The following NDUFAF3 variants were observed in gnomAD, a reference collection of about 807,000 sequenced individuals.
NDUFAF3 encodes NADH:ubiquinone oxidoreductase complex assembly factor 3.
A neutral mutation model predicts 22.6 loss-of-function variants in NDUFAF3; 21 were observed. The observed-to-expected ratio is 0.93, with a 90% CI of 0.66 to 1.34. The LOEUF (loss-of-function observed/expected upper bound fraction) is 1.34, where lower values mean the gene tolerates loss of function less well. Ranked by LOEUF, NDUFAF3 falls within the 40% of genes most tolerant of loss-of-function variation. The pLI is 0.00. For synonymous variants in NDUFAF3, 113 were observed against 104.9 expected (o/e 1.08, Z -0.47); for missense variants, 251 against 248.4 (o/e 1.01, Z -0.07).
upstream of NDUFAF3, chr3:49,021,191 C>T (rs1278028730): frequency 6.6e-6 from 1 of 152,666 alleles, no homozygotes; most frequent in Non-Finnish European, 1.5e-5. The surrounding 1 kb of genome is among the most constrained non-coding windows in gnomAD (Gnocchi z 4.1). Context: ...GACCCACCAC[C>T]AGGCTCCCAC....
upstream of NDUFAF3, chr3:49,020,590 G>T (rs764070771): frequency 2.1e-6 from 1 of 476,508 alleles, no homozygotes; most frequent in South Asian, 1.5e-5. Flanking sequence ...GGGGTCAGGG[G>T]CACCCCATCT....
upstream of NDUFAF3, chr3:49,021,762 C>T (rs1348370666): frequency 9.7e-6 from 3 of 309,070 alleles, no homozygotes; most frequent in South Asian, 1.1e-4. This position sits in a 1 kb window ranked among gnomAD's most constrained non-coding sequence, Gnocchi z 4.1. Context: ...CACCGCCTGG[C>T]CAGGTGTTCG....
At position 49,022,746 on chromosome 3, in the gene NDUFAF3, C is replaced by T. The variant is rs1405401961; in HGVS notation, c.315C>T (p.Phe105=). 1 of 1,614,082 alleles carries T rather than the reference C, an allele frequency of 6.2e-7. No individual in the cohort carries two copies. The highest frequency in any genetic ancestry group is 1.1e-5 in the South Asian group (1 of 91,086). Residue 105 remains phenylalanine (F), a synonymous_variant, in exon 3 of 5, where the codon TTC becomes TTT. Coordinates refer to ENST00000326925, the MANE Select transcript of NDUFAF3 (RefSeq NM_199069.2). This position sits in a 1 kb window ranked among gnomAD's most constrained non-coding sequence, Gnocchi z 6.6. ...TCACCGAAGACAGCTTTTCCCTCTT[C>T]TGGTTGCTGGAGCCCCGGATAGGTA... ...QDITEDSFSL[F]WLLEPRIEIV...
chr3:49,020,798 C>T (rs547121872), upstream of NDUFAF3: 114 of 395,538 alleles, frequency 2.9e-4, no homozygotes, highest in African/African-American at 1.9e-3. Flanking sequence ...AGGAGGAAGA[C>T]CCGGGAGTAG....
rs778468386 is a variant in NDUFAF3, at chr3:49,022,370, C to G, written c.102C>G (p.Leu34=). ...LPWAPRRGHR[L]SPADDELYQR... ...GGGCCCCGCGGCGAGGGCATCGGCT[C>G]TCGCCGGCGGATGACGAGCTGTATC... is the stretch of plus-strand genomic sequence containing the variant. The change falls in exon 2 of 5, where the codon CTC becomes CTG. Residue 34 remains leucine (L), a synonymous_variant. Coordinates refer to ENST00000326925, the MANE Select transcript of NDUFAF3 (RefSeq NM_199069.2). The surrounding 1 kb of genome is among the most constrained non-coding windows in gnomAD (Gnocchi z 6.6). 1.6e-5 allele frequency: 26 copies of G among 1,612,548 alleles called. No homozygotes were observed. Among genetic ancestry groups the G allele is most frequent in the Non-Finnish European group, 2.2e-5 (26 of 1,180,008 alleles).
At chr3:49,021,816 T>G (rs2093160234), upstream of NDUFAF3, 1 of 413,434 alleles carries the variant, frequency 2.4e-6, no homozygotes, top group Admixed American at 4.4e-5. The surrounding 1 kb of genome is among the most constrained non-coding windows in gnomAD (Gnocchi z 4.1). Flanking sequence ...GGAGCGCGGC[T>G]TAATAGCTGA....
rs1367046765 is a variant in NDUFAF3, at chr3:49,022,949, G to C, written c.411G>C (p.Arg137=). 2 of 1,613,988 alleles carry C rather than the reference G, an allele frequency of 1.2e-6. No individual in the cohort carries two copies. Among genetic ancestry groups the C allele is most frequent in the African/African-American group, 2.7e-5 (2 of 74,920 alleles). ...AGGTGCTTCAAGCCATGAGGCAGCG[G>C]GGCATTGCTGTGGAAGTGCAGGACA... ...QSQVLQAMRQ[R]GIAVEVQDTP... is the part of the protein sequence containing the mutation. Residue 137 remains arginine (R), a synonymous_variant, in exon 4 of 5, where the codon CGG becomes CGC. Coordinates refer to ENST00000326925, the MANE Select transcript of NDUFAF3 (RefSeq NM_199069.2). The surrounding 1 kb of genome is among the most constrained non-coding windows in gnomAD (Gnocchi z 6.6).
At position 49,023,181 on chromosome 3, in the gene NDUFAF3, G is replaced by A. The variant is rs748958936; in HGVS notation, c.*9G>A. Reference sequence around the variant, plus strand: ...GCCAAGCTGCTCAATGAACCGCCAGGAACTGACCTGCTGACTGCACTCTGC... The same window carrying A: ...GCCAAGCTGCTCAATGAACCGCCAGAAACTGACCTGCTGACTGCACTCTGC... On this transcript the variant is annotated 3_prime_UTR_variant, in exon 5 of 5. Transcript: ENST00000326925. The A allele has an allele frequency of 1.9e-6, 3 of 1,599,112 alleles. No individual in the cohort carries two copies. The highest frequency in any genetic ancestry group is 1.8e-4 in the Middle Eastern group (1 of 5,712).
In NDUFAF3 at chr3:49,022,594, T is replaced by C. The variant is rs1008532915; in HGVS notation, c.270+56T>C. 2 of 1,613,212 alleles carry C rather than the reference T, an allele frequency of 1.2e-6. No individual in the cohort carries two copies. The highest frequency in any genetic ancestry group is 2.7e-5 in the African/African-American group (2 of 74,922). ...GGCCCAGAGTCACAGGCCCTCACCC[T>C]GCTTGGTCCCTGCAAACTTGGCTTT... is the stretch of plus-strand genomic sequence containing the variant. On this transcript the variant is annotated intron_variant, in intron 2 of 4. Transcript: ENST00000326925. This position sits in a 1 kb window ranked among gnomAD's most constrained non-coding sequence, Gnocchi z 6.6.
rs747219441 is a variant in NDUFAF3 at position 49,022,488 on chromosome 3, C to G, written c.220C>G (p.Arg74Gly). ...CCGCGGCTTCATGATAAACGGAAAC[C>G]GCGTGCTCGGCCCCTGCGCTCTGCT... ...NSRGFMINGNRVLGPCALLPH... is the reference protein window; with the variant it reads ...NSRGFMINGNGVLGPCALLPH... The change falls in exon 2 of 5, where the codon CGC becomes GGC. Residue 74 changes from arginine (R) to glycine (G), a missense_variant. Arg to Gly is a moderately radical substitution (Grantham distance 125). Transcript: ENST00000326925. This position sits in a 1 kb window ranked among gnomAD's most constrained non-coding sequence, Gnocchi z 6.6. 6.8e-6 allele frequency: 11 copies of G among 1,613,122 alleles called. No homozygotes were observed. The highest frequency in any genetic ancestry group is 1.7e-5 in the Admixed American group (1 of 60,020).
chr3:49,020,458 C>T, upstream of NDUFAF3: 1 of 382,706 alleles, frequency 2.6e-6, no homozygotes, highest in Non-Finnish European at 5.4e-6. Context: ...CCTCGCCAAT[C>T]CTCCCCAGGG....
chr3:49,020,861 A>C (rs1350199827), upstream of NDUFAF3: 3 of 305,812 alleles, frequency 9.8e-6, no homozygotes, highest in Non-Finnish European at 2.1e-5. Flanking sequence ...CCACAGAACA[A>C]TAGAAGGGGA....
At chr3:49,020,589 G>A (rs1192757710), upstream of NDUFAF3, 1 of 475,312 alleles carries the variant, frequency 2.1e-6, no homozygotes, top group Non-Finnish European at 4.4e-6. Context: ...GGGGGTCAGG[G>A]GCACCCCATC....
upstream of NDUFAF3, chr3:49,020,830 G>A (rs1382770310): frequency 8.5e-6 from 3 of 351,824 alleles, no homozygotes; most frequent in African/African-American, 6.4e-5. Flanking sequence ...GAGTCTAGAG[G>A]GAACAAGACG....
chr3:49,020,864 G>C (rs896544494), upstream of NDUFAF3: 4 of 303,510 alleles, frequency 1.3e-5, no homozygotes, highest in Non-Finnish European at 2.8e-5. Context: ...CAGAACAATA[G>C]AAGGGGAGGT....
At chr3:49,021,349 AGACGGGG>A (rs1169621800), upstream of NDUFAF3, 1 of 152,416 alleles carries the variant, frequency 6.6e-6, no homozygotes, top group Non-Finnish European at 1.5e-5. The surrounding 1 kb of genome is among the most constrained non-coding windows in gnomAD (Gnocchi z 4.1). Flanking sequence ...ACTTGGATCA[AGACGGGG>A]GACGGGGGAC....
Position 49,022,519 on chromosome 3 carries a change from A to C in NDUFAF3, c.251A>C (p.His84Pro). The C allele has an allele frequency of 6.2e-7, 1 of 1,611,866 alleles. No individual in the cohort carries two copies. The highest frequency in any genetic ancestry group is 1.1e-5 in the South Asian group (1 of 90,920). ...RVLGPCALLPHSVVQWNVGSH... is the reference protein window; with the variant it reads ...RVLGPCALLPPSVVQWNVGSH... ...CTCGGCCCCTGCGCTCTGCTCCCGC[A>C]CTCGGTGGTGCAGTGGAACGTGAGT... The change falls in exon 2 of 5, where the codon CAC (histidine) becomes CCC (proline). Residue 84 changes from histidine to proline, a missense_variant. Physicochemically the swap from His to Pro is moderately conservative, Grantham distance 77. Coordinates refer to ENST00000326925, the MANE Select transcript of NDUFAF3 (RefSeq NM_199069.2). This position sits in a 1 kb window ranked among gnomAD's most constrained non-coding sequence, Gnocchi z 6.6.
chr3:49,022,824 C>G lies in NDUFAF3; in HGVS notation c.338-52C>G. The G allele has an allele frequency of 1.2e-6, 2 of 1,613,184 alleles. No individual in the cohort carries two copies. The highest frequency in any genetic ancestry group is 1.7e-6 in the Non-Finnish European group (2 of 1,179,498). On this transcript the variant is annotated intron_variant, in intron 3 of 4. Coordinates refer to ENST00000326925, the MANE Select transcript of NDUFAF3 (RefSeq NM_199069.2). The surrounding 1 kb of genome is among the most constrained non-coding windows in gnomAD (Gnocchi z 6.6). ...GTTCTGGGCCCCAGAAGGCGACCCC[C>G]ACTGCAGCCTCTCAACAGAACTGTA...
upstream of NDUFAF3, chr3:49,022,027 G>A (rs886058666): frequency 9.1e-7 from 1 of 1,095,856 alleles, no homozygotes; most frequent in Non-Finnish European, 1.3e-6. The surrounding 1 kb of genome is among the most constrained non-coding windows in gnomAD (Gnocchi z 6.6). Flanking sequence ...CGGTCGAGCT[G>A]TGCGGTGCCC....
Sources: gnomAD v4.1 joint callset for allele counts on GRCh38, gnomAD v4.1.1 for gene constraint, Gnocchi (gnomAD v3.1) non-coding constraint, MANE v1.5 for transcripts, NCBI Gene and HGNC (gene_info 2026-07-23, HGNC 2026-07-21) for gene names.